B3GALT1: variants seen among roughly 807,000 people sequenced by gnomAD.
B3GALT1 encodes beta-1,3-galactosyltransferase 1, also known as UDP-Gal:betaGlcNAc beta 1,3-galactosyltransferase, polypeptide 1.
A neutral mutation model predicts 23.2 loss-of-function variants in B3GALT1; 10 were observed. The observed-to-expected ratio is 0.43, with a 90% CI of 0.27 to 0.73. The LOEUF (loss-of-function observed/expected upper bound fraction) is 0.73, where lower values mean the gene tolerates loss of function less well. Ranked by LOEUF, B3GALT1 falls within the 30% of genes least tolerant of loss-of-function variation. The pLI is 0.21. For missense variants in B3GALT1, 299 were observed against 405.4 expected (o/e 0.74, Z 2.25); for synonymous variants, 156 against 141.5 (o/e 1.10, Z -0.73).
At chr2:167,388,799 A>C (rs931456597) in intron 1 of B3GALT1, among the ~76,000 whole-genome samples, 1 of 152,192 alleles carries the variant, frequency 6.6e-6, no homozygotes, top group Non-Finnish European at 1.5e-5. Context: ...GTGTGTAGCC[A>C]GTCTTGAGAA....
At chr2:167,539,018 T>G (rs865904214) in intron 2 of B3GALT1, among the ~76,000 whole-genome samples, 15 of 152,292 alleles carry the variant, frequency 9.8e-5, no homozygotes, top group African/African-American at 3.6e-4. Context: ...AAACATCCGA[T>G]TATACTTAGT....
intron 3 of B3GALT1, among the ~76,000 whole-genome samples, chr2:167,750,411 A>G (rs1357710393): frequency 6.6e-6 from 1 of 152,104 alleles, no homozygotes; most frequent in Non-Finnish European, 1.5e-5. Flanking sequence ...ATTTATCTCA[A>G]GCTTGCTCCT....
At chr2:167,482,514 A>G (rs1337569514) in intron 1 of B3GALT1, among the ~76,000 whole-genome samples, 2 of 152,176 alleles carry the variant, frequency 1.3e-5, no homozygotes, top group African/African-American at 2.4e-5. Flanking sequence ...TGTTTCTCAA[A>G]CTTCTACAAT....
intron 2 of B3GALT1, among the ~76,000 whole-genome samples, chr2:167,543,616 TTTACA>T (rs1405664861): frequency 3.3e-5 from 5 of 152,236 alleles, no homozygotes; most frequent in Non-Finnish European, 7.3e-5. Context: ...TGGAAGGTTA[TTTACA>T]TTATAGAATA....
chr2:167,508,517 C>CA (rs1699957399), intron 2 of B3GALT1, among the ~76,000 whole-genome samples: 2 of 152,070 alleles, frequency 1.3e-5, no homozygotes, highest in South Asian at 4.1e-4. Context: ...CTCACCCTCC[C>CA]AAAGTGCTGG....
intron 1 of B3GALT1, among the ~76,000 whole-genome samples, chr2:167,384,894 T>C (rs1203812382): frequency 1.3e-5 from 2 of 152,020 alleles, no homozygotes; most frequent in African/African-American, 2.4e-5. Context: ...CCCAAAAGTT[T>C]CCAAAAGGAG....
chr2:167,514,934 TAATA>T (rs1455491678), intron 2 of B3GALT1, among the ~76,000 whole-genome samples: 4 of 152,150 alleles, frequency 2.6e-5, no homozygotes, highest in African/African-American at 2.4e-5. Context: ...AGGAACTGGT[TAATA>T]AATATAAACT....
At chr2:167,832,709 C>T (rs1325577984) in intron 4 of B3GALT1, among the ~76,000 whole-genome samples, 1 of 152,220 alleles carries the variant, frequency 6.6e-6, no homozygotes, top group Admixed American at 6.5e-5. Flanking sequence ...TATGCAATTG[C>T]ATTAACATCA....
At chr2:167,438,901 T>A (rs536053038) in intron 1 of B3GALT1, among the ~76,000 whole-genome samples, 1 of 152,178 alleles carries the variant, frequency 6.6e-6, no homozygotes, top group African/African-American at 2.4e-5. Flanking sequence ...AGGAAGTGAC[T>A]ATTTCCCCCT....
intron 2 of B3GALT1, among the ~76,000 whole-genome samples, chr2:167,509,723 G>C (rs1384261411): frequency 6.6e-6 from 1 of 152,116 alleles, no homozygotes; most frequent in East Asian, 1.9e-4. Context: ...GGAGCAGTGT[G>C]AGTTAGGGGA....
At chr2:167,562,586 G>A (rs1055619630) in intron 2 of B3GALT1, among the ~76,000 whole-genome samples, 1 of 151,650 alleles carries the variant, frequency 6.6e-6, no homozygotes, top group African/African-American at 2.4e-5. Context: ...ATCTCCTTAA[G>A]CTGATAAGCA....
chr2:167,531,606 A>T (rs1048972548), intron 2 of B3GALT1, among the ~76,000 whole-genome samples: 2 of 152,168 alleles, frequency 1.3e-5, no homozygotes, highest in African/African-American at 4.8e-5. Context: ...CTAAAAAGTT[A>T]AAAAAGAAAG....
chr2:167,863,168 C>CT (rs1158763030), intron 4 of B3GALT1, among the ~76,000 whole-genome samples: 33 of 148,450 alleles, frequency 2.2e-4, no homozygotes, highest in East Asian at 1.7e-3. Context: ...GGTATTCTCT[C>CT]TTTTTTTTTT....
intron 1 of B3GALT1, among the ~76,000 whole-genome samples, chr2:167,365,168 C>T (rs116334171): frequency 0.031 from 4,758 of 152,206 alleles, 85 homozygotes; most frequent in Non-Finnish European, 0.046. Flanking sequence ...GAATGAATTA[C>T]AGTCAAGGAT....
rs183591703 is a variant in B3GALT1 at position 167,519,739 on chromosome 2, G to A, written c.-410+29462G>A. Among the ~76,000 whole-genome samples, 231 of 152,242 alleles carry A rather than the reference G, an allele frequency of 1.5e-3. 1 individual carries two copies. Among genetic ancestry groups the A allele is most frequent in the Admixed American group, 0.012 (185 of 15,286 alleles). On this transcript the variant is annotated intron_variant, in intron 2 of 4. Coordinates refer to ENST00000392690, the MANE Select transcript of B3GALT1 (RefSeq NM_020981.4). ...ACATTTCCTGCCAATACACGTAATC[G>A]TATCATTGCATGTCCTTTTGTTCCT...
intron 3 of B3GALT1, among the ~76,000 whole-genome samples, chr2:167,694,929 T>C (rs1018003336): frequency 6.6e-6 from 1 of 152,162 alleles, no homozygotes; most frequent in Non-Finnish European, 1.5e-5. Context: ...TTTCTTTGCT[T>C]AGATAACTTC....
chr2:167,335,774 C>T (rs934887178), intron 1 of B3GALT1, among the ~76,000 whole-genome samples: 13 of 152,148 alleles, frequency 8.5e-5, no homozygotes, highest in Admixed American at 3.9e-4. Flanking sequence ...GGCTTCTTTA[C>T]TGCAACCTGT....
intron 3 of B3GALT1, among the ~76,000 whole-genome samples, chr2:167,799,118 T>G (rs1448899712): frequency 6.6e-6 from 1 of 152,202 alleles, no homozygotes. Flanking sequence ...ATAGATACCA[T>G]TTCCTTAATA....
intron 3 of B3GALT1, among the ~76,000 whole-genome samples, chr2:167,652,107 G>A (rs115642684): frequency 3.3e-5 from 5 of 152,132 alleles, no homozygotes; most frequent in Non-Finnish European, 2.9e-5. Flanking sequence ...AACATATTGG[G>A]GGGAAGCAGA....
Sources: gnomAD v4.1 joint callset for allele counts (sites outside exome capture counted in the v4.1 genomes callset) on GRCh38, gnomAD v4.1.1 for gene constraint, MANE v1.5 for transcripts, NCBI Gene and HGNC (gene_info 2026-07-23, HGNC 2026-07-21) for gene names.